The following TRPS1 variants were observed in gnomAD, a reference collection of about 807,000 sequenced individuals.
TRPS1 encodes the protein zinc finger transcription factor Trps1.
A neutral mutation model predicts 101.2 loss-of-function variants in TRPS1; 6 were observed. The ratio of observed to expected loss-of-function variants is 0.06; its 90% CI spans 0.03 to 0.12. The LOEUF is 0.12. Ranked by LOEUF, TRPS1 falls within the 10% of genes least tolerant of loss-of-function variation. The probability of loss-of-function intolerance (pLI) is 1.00; values close to 1 mark genes in which losing one functional copy is unlikely to be tolerated. For missense variants in TRPS1, 1,363 were observed against 1,567.0 expected, an observed-to-expected ratio of 0.87 and a Z score of 2.20; for synonymous variants, 578 against 589.8, an observed-to-expected ratio of 0.98 and a Z score of 0.29.
intron 5 of TRPS1, among the ~76,000 whole-genome samples, chr8:115,451,875 T>C (rs1813882119): frequency 6.6e-6 from 1 of 152,148 alleles, no homozygotes; most frequent in Non-Finnish European, 1.5e-5. Context: ...GCCCAGGGAA[T>C]TGCATCTAAT....
At chr8:115,461,125 T>C (rs1483459520) in intron 5 of TRPS1, among the ~76,000 whole-genome samples, 12 of 152,096 alleles carry the variant, frequency 7.9e-5, no homozygotes, top group Admixed American at 7.2e-4. Context: ...AATCTGGGAA[T>C]TGTAGGTAAT....
rs575791015 is a variant in TRPS1 at position 115,409,088 on chromosome 8, C to G, written c.*4935G>C. The stretch of plus-strand genomic sequence containing the variant: ...TAACCCCCTTGGCCACATAATAATA[C>G]TTGGCACTCCTATGGTGCCTTTCAA... On this transcript the variant is annotated 3_prime_UTR_variant, in exon 7 of 7. Coordinates refer to ENST00000395715, the MANE Select transcript of TRPS1 (RefSeq NM_014112.5). The G allele has an allele frequency of 6.6e-6, 1 of 151,686 alleles. No homozygotes were observed. The highest frequency in any genetic ancestry group is 1.5e-5 in the Non-Finnish European group (1 of 67,864). 9.4% of individuals were successfully genotyped at this position (151,686 alleles called of 1,614,324 possible).
intron 5 of TRPS1, among the ~76,000 whole-genome samples, chr8:115,478,558 C>A (rs1160916541): frequency 6.6e-6 from 1 of 151,978 alleles, no homozygotes; most frequent in Non-Finnish European, 1.5e-5. Context: ...AATCCCAGCA[C>A]TTTGGGAGGT....
chr8:115,428,744 A>G (rs572195909), intron 5 of TRPS1, among the ~76,000 whole-genome samples: 1 of 151,192 alleles, frequency 6.6e-6, no homozygotes, highest in African/African-American at 2.4e-5. Flanking sequence ...GTGGGAGACT[A>G]AAAAAAAATG....
intron 5 of TRPS1, among the ~76,000 whole-genome samples, chr8:115,491,199 A>G (rs913587680): frequency 3.9e-5 from 6 of 152,136 alleles, no homozygotes; most frequent in East Asian, 1.9e-4. Context: ...GTTATTCACT[A>G]TTACGTTTGA....
intron 1 of TRPS1, among the ~76,000 whole-genome samples, chr8:115,634,385 C>A (rs901120225): frequency 2.0e-5 from 3 of 152,084 alleles, no homozygotes; most frequent in African/African-American, 4.8e-5. Context: ...GGAAATAAGC[C>A]TACACATGGA....
intron 5 of TRPS1, among the ~76,000 whole-genome samples, chr8:115,538,675 CT>C (rs1230520719): frequency 6.6e-6 from 1 of 151,874 alleles, no homozygotes; most frequent in Non-Finnish European, 1.5e-5. Context: ...TAAAAAATTA[CT>C]GAGAACATAC....
intron 4 of TRPS1, among the ~76,000 whole-genome samples, chr8:115,594,237 T>C (rs1161697867): frequency 6.6e-6 from 1 of 152,098 alleles, no homozygotes; most frequent in Non-Finnish European, 1.5e-5. Context: ...TACAAATATA[T>C]GCTTTGTATT....
At chr8:115,626,971 T>C (rs1213965056) in intron 1 of TRPS1, among the ~76,000 whole-genome samples, 1 of 151,870 alleles carries the variant, frequency 6.6e-6, no homozygotes, top group South Asian at 2.1e-4. Context: ...TCTTCATATA[T>C]CCAAATACAT....
At chr8:115,415,675 A>C (rs185439045) in intron 6 of TRPS1, among the ~76,000 whole-genome samples, 6 of 152,134 alleles carry the variant, frequency 3.9e-5, no homozygotes, top group African/African-American at 1.4e-4. Flanking sequence ...AGGAAGAGAA[A>C]GAGATCTCTC....
At chr8:115,566,345 CAAG>C (rs1817067123) in intron 5 of TRPS1, among the ~76,000 whole-genome samples, 1 of 152,190 alleles carries the variant, frequency 6.6e-6, no homozygotes, top group African/African-American at 2.4e-5. Flanking sequence ...CCTGCAGCAA[CAAG>C]AAGAATACAC....
chr8:115,520,820 G>A (rs1431900679), intron 5 of TRPS1, among the ~76,000 whole-genome samples: 2 of 151,838 alleles, frequency 1.3e-5, no homozygotes, highest in African/African-American at 4.8e-5. Context: ...GACAGTATTA[G>A]CTTCAGAAGG....
At chr8:115,443,598 C>T (rs1813661477) in intron 5 of TRPS1, among the ~76,000 whole-genome samples, 2 of 152,166 alleles carry the variant, frequency 1.3e-5, no homozygotes, top group African/African-American at 2.4e-5. Flanking sequence ...CAAATCCTGC[C>T]TATGACACTA....
intron 6 of TRPS1, among the ~76,000 whole-genome samples, chr8:115,415,529 G>T (rs1414897700): frequency 6.6e-6 from 1 of 152,136 alleles, no homozygotes; most frequent in Non-Finnish European, 1.5e-5. Flanking sequence ...GCTACAGACA[G>T]AATAAGTTTA....
chr8:115,545,499 CAACTT>C (rs1228358931), intron 5 of TRPS1, among the ~76,000 whole-genome samples: 7 of 152,102 alleles, frequency 4.6e-5, no homozygotes, highest in Middle Eastern at 3.2e-3. Context: ...TTGGTTGCTA[CAACTT>C]AACTTAAAGA....
intron 4 of TRPS1, among the ~76,000 whole-genome samples, chr8:115,594,947 A>T (rs1817754504): frequency 6.6e-6 from 1 of 151,790 alleles, no homozygotes; most frequent in Non-Finnish European, 1.5e-5. Context: ...GCTCTTTTTT[A>T]CTAGATAATA....
intron 5 of TRPS1, among the ~76,000 whole-genome samples, chr8:115,448,884 G>A (rs921339487): frequency 1.3e-5 from 2 of 151,964 alleles, no homozygotes; most frequent in African/African-American, 2.4e-5. Context: ...ATAAAACTTC[G>A]TCGATCATCT....
At chr8:115,451,392 T>C (rs901996803) in intron 5 of TRPS1, among the ~76,000 whole-genome samples, 3 of 152,102 alleles carry the variant, frequency 2.0e-5, no homozygotes, top group Admixed American at 1.3e-4. Context: ...GCATTTTAAA[T>C]GACAGAAGGG....
intron 5 of TRPS1, among the ~76,000 whole-genome samples, chr8:115,490,942 C>T (rs1386586530): frequency 6.6e-6 from 1 of 152,104 alleles, no homozygotes; most frequent in East Asian, 1.9e-4. Context: ...CTACAATTAT[C>T]GAAACACACG....
Sources: gnomAD v4.1 joint callset for allele counts (sites outside exome capture counted in the v4.1 genomes callset) on GRCh38, gnomAD v4.1.1 for gene constraint, MANE v1.5 for transcripts, NCBI Gene and HGNC (gene_info 2026-07-23, HGNC 2026-07-21) for gene names.